Variants in DPYD observed in about 807,000 individuals in gnomAD.
DPYD encodes the protein dihydropyrimidine dehydrogenase.
Under a neutral mutation model 116.2 loss-of-function variants are expected in DPYD, and 109 were observed. That is an observed-to-expected ratio of 0.94 (90% CI 0.80 to 1.10). The LOEUF (loss-of-function observed/expected upper bound fraction) is 1.10. DPYD is among the 50% of genes least tolerant of loss of function. The pLI is 0.00. For synonymous variants in DPYD, 440 were observed against 432.0 expected, an observed-to-expected ratio of 1.02 and a Z score of -0.23; for missense variants, 1,302 against 1,254.5, an observed-to-expected ratio of 1.04 and a Z score of -0.57.
In DPYD at chr1:97,079,166, G is replaced by C; in HGVS notation, c.2908-20C>G. On this transcript the variant is annotated intron_variant, in intron 22 of 22. Transcript: ENST00000370192. ...TATAGCCTGCAAACAGAAATAGAGG[G>C]TATTGATGTCACTGACCACAAAGGT... The C allele has an allele frequency of 6.2e-7, 1 of 1,612,412 alleles. No homozygotes were observed. Among genetic ancestry groups the C allele is most frequent in the African/African-American group, 1.3e-5 (1 of 74,924 alleles).
At chr1:97,628,880 G>A (rs945702091) in intron 8 of DPYD, among the ~76,000 whole-genome samples, 1 of 151,970 alleles carries the variant, frequency 6.6e-6, no homozygotes, top group Non-Finnish European at 1.5e-5. Flanking sequence ...GTGCAAAAGA[G>A]GACAGTGGTT....
At chr1:97,391,048 C>CT (rs571016808) in intron 14 of DPYD, among the ~76,000 whole-genome samples, 6,025 of 132,414 alleles carry the variant, frequency 0.046, 189 homozygotes, top group East Asian at 0.1. Context: ...TACTTTTCCT[C>CT]TTTTTTTTTT....
intron 14 of DPYD, among the ~76,000 whole-genome samples, chr1:97,443,827 G>A (rs909362813): frequency 6.6e-6 from 1 of 152,156 alleles, no homozygotes. Flanking sequence ...AAACTTCAAA[G>A]AAATAGAAGC....
At chr1:97,195,946 G>A (rs568663258) in intron 19 of DPYD, among the ~76,000 whole-genome samples, 1 of 151,720 alleles carries the variant, frequency 6.6e-6, no homozygotes, top group Non-Finnish European at 1.5e-5. Flanking sequence ...GGAGAGATCT[G>A]CAATGGAGTA....
intron 1 of DPYD, among the ~76,000 whole-genome samples, chr1:97,920,285 G>A (rs957752462): frequency 1.3e-5 from 2 of 152,076 alleles, no homozygotes; most frequent in African/African-American, 4.8e-5. Flanking sequence ...TGAGAGGAGA[G>A]AAAAATACAG....
intron 19 of DPYD, among the ~76,000 whole-genome samples, chr1:97,198,358 T>C (rs1182358392): frequency 1.3e-5 from 2 of 152,314 alleles, no homozygotes; most frequent in Admixed American, 1.3e-4. Context: ...TTTCCTAGCC[T>C]TTCAAAGAAT....
chr1:97,126,019 A>G (rs1652806595), intron 20 of DPYD, among the ~76,000 whole-genome samples: 2 of 152,170 alleles, frequency 1.3e-5, no homozygotes, highest in Non-Finnish European at 2.9e-5. Context: ...GCTAAGTACA[A>G]AAAGTAATTT....
chr1:97,755,506 C>G (rs1353877659), intron 3 of DPYD, among the ~76,000 whole-genome samples: 1 of 152,194 alleles, frequency 6.6e-6, no homozygotes, highest in African/African-American at 2.4e-5. Context: ...CAGACCCAGA[C>G]AAGCTGGTAA....
rs974697014 is a variant in DPYD, at chr1:97,446,724, T to C, written c.1905+3335A>G. 1.2e-4 allele frequency among the ~76,000 whole-genome samples: 18 copies of C among 152,198 alleles called. 1 individual carries two copies. Among genetic ancestry groups the C allele is most frequent in the African/African-American group, 3.9e-4 (16 of 41,458 alleles). The stretch of plus-strand genomic sequence containing the variant: ...AATTCAGTGCATTCAAAGTGCAGCA[T>C]GTATTTTTTGTTAAAAAAAATTTTC... On this transcript the variant is annotated intron_variant, in intron 14 of 22. Coordinates refer to ENST00000370192, the MANE Select transcript of DPYD (RefSeq NM_000110.4).
intron 13 of DPYD, among the ~76,000 whole-genome samples, chr1:97,486,982 T>C (rs1678675770): frequency 6.6e-6 from 1 of 151,998 alleles, no homozygotes; most frequent in Non-Finnish European, 1.5e-5. Context: ...CATGCAAATA[T>C]TAAAAATAAG....
intron 3 of DPYD, among the ~76,000 whole-genome samples, chr1:97,743,554 T>C (rs17378539): frequency 0.12 from 18,304 of 152,106 alleles, 1,538 homozygotes; most frequent in Non-Finnish European, 0.17. Flanking sequence ...CCTTTGACCA[T>C]GCCATAATAG....
intron 13 of DPYD, among the ~76,000 whole-genome samples, chr1:97,480,646 G>T (rs975306651): frequency 6.6e-6 from 1 of 152,180 alleles, no homozygotes; most frequent in Non-Finnish European, 1.5e-5. Context: ...TTAACCTTGT[G>T]TACATTTTAC....
intron 10 of DPYD, among the ~76,000 whole-genome samples, chr1:97,579,220 T>TCACA (rs1653472929): frequency 6.6e-6 from 1 of 152,176 alleles, no homozygotes; most frequent in Non-Finnish European, 1.5e-5. Flanking sequence ...TCAAGACTGG[T>TCACA]CACAGCCCTA....
chr1:97,456,304 A>G (rs1676682784), intron 13 of DPYD, among the ~76,000 whole-genome samples: 1 of 152,060 alleles, frequency 6.6e-6, no homozygotes, highest in African/African-American at 2.4e-5. Context: ...GGTGTTGTCT[A>G]TTTATTTTAA....
intron 16 of DPYD, among the ~76,000 whole-genome samples, chr1:97,336,663 T>C (rs1019259513): frequency 6.6e-6 from 1 of 152,232 alleles, no homozygotes; most frequent in South Asian, 2.1e-4. Context: ...GGCAGGAGAA[T>C]TGCTTGAACC....
intron 20 of DPYD, among the ~76,000 whole-genome samples, chr1:97,171,998 G>A (rs184195741): frequency 9.2e-5 from 14 of 152,332 alleles, no homozygotes; most frequent in Admixed American, 9.2e-4. Flanking sequence ...GGATCTTGAT[G>A]TGGAAATGTT....
At chr1:97,869,315 C>A (rs1671546614) in intron 2 of DPYD, among the ~76,000 whole-genome samples, 1 of 151,686 alleles carries the variant, frequency 6.6e-6, no homozygotes, top group South Asian at 2.1e-4. Context: ...CAGAAGTATA[C>A]ATCACAGTCA....
intron 3 of DPYD, among the ~76,000 whole-genome samples, chr1:97,782,161 T>C (rs1346665456): frequency 6.6e-6 from 1 of 152,202 alleles, no homozygotes; most frequent in Non-Finnish European, 1.5e-5. Context: ...CTCTTCCTCA[T>C]CCTCTCACAC....
chr1:97,443,868 T>C (rs1675936375), intron 14 of DPYD, among the ~76,000 whole-genome samples: 1 of 152,224 alleles, frequency 6.6e-6, no homozygotes, highest in Non-Finnish European at 1.5e-5. Flanking sequence ...TTCGTGGAGA[T>C]GGCAAGAAGA....
Sources: allele counts gnomAD v4.1 joint callset (sites outside exome capture counted in the v4.1 genomes callset), GRCh38; gene constraint gnomAD v4.1.1; transcripts MANE v1.5; gene names NCBI Gene and HGNC (gene_info 2026-07-23, HGNC 2026-07-21).